PSMC3IP: variants seen among roughly 807,000 people sequenced by gnomAD.
PSMC3IP encodes PSMC3 interacting protein, also known as homologous-pairing protein 2 homolog.
PSMC3IP carries 26 observed loss-of-function variants against 34.9 expected under a neutral mutation model. The ratio of observed to expected loss-of-function variants is 0.74; its 90% confidence interval spans 0.55 to 1.03. The LOEUF is 1.03. Ranked by LOEUF, PSMC3IP falls within the 50% of genes least tolerant of loss-of-function variation. The pLI is 0.00. For synonymous variants in PSMC3IP, 87 were observed against 96.5 expected, an observed-to-expected ratio of 0.90 and a Z score of 0.57; for missense variants, 250 against 263.1, an observed-to-expected ratio of 0.95 and a Z score of 0.34.
chr17:42,574,964 G>A (rs1597725305), intron 3 of PSMC3IP, among the ~76,000 whole-genome samples: 3 of 152,274 alleles, frequency 2.0e-5, no homozygotes, highest in East Asian at 3.9e-4. Context: ...ACGTTGCCCA[G>A]GCTGGTCTCA....
At chr17:42,575,961 T>G (rs2093072777) in intron 3 of PSMC3IP, among the ~76,000 whole-genome samples, 2 of 151,598 alleles carry the variant, frequency 1.3e-5, no homozygotes, top group South Asian at 4.2e-4. Context: ...GTGGAGCTTA[T>G]AGTGAGCCGA....
Position 42,577,447 on chromosome 17 carries a change from G to C in PSMC3IP, c.135+14C>G. The C allele has an allele frequency of 6.2e-7, 1 of 1,613,716 alleles. No individual in the cohort carries two copies. Among genetic ancestry groups the C allele is most frequent in the South Asian group, 1.1e-5 (1 of 91,064 alleles). ...GAGTCCGACGGAGAGGGAATCCCGG[G>C]AGAAGGTCCTCACCGCCTTGCCCAG... On this transcript the variant is annotated intron_variant, in intron 2 of 7. Coordinates refer to ENST00000393795, the MANE Select transcript of PSMC3IP (RefSeq NM_016556.4).
At chr17:42,573,218 C>T (rs889483790) in intron 6 of PSMC3IP, 52 bp from the exon 7 acceptor site, 6 of 1,614,024 alleles carry the variant, frequency 3.7e-6, no homozygotes, top group Non-Finnish European at 5.1e-6. Context: ...TGGGCACTGC[C>T]TGTCAGTTTA....
rs578203303 is a variant in PSMC3IP, at chr17:42,577,494, C to A, written c.102G>T (p.Gly34=). The A allele has an allele frequency of 6.2e-7, 1 of 1,614,048 alleles. No individual in the cohort carries two copies. The highest frequency in any genetic ancestry group is 1.3e-5 in the African/African-American group (1 of 74,920). ...CCAGTCCGTGTTCCCGCTGTAGGTT[C>A]CCGAACACATCCTGGGAGCTGTAGG... ...NRPYSSQDVF[G]NLQREHGLGK... Residue 34 remains glycine (G), a synonymous_variant, in exon 2 of 8, where the codon GGG becomes GGT. Transcript: ENST00000393795.
intron 3 of PSMC3IP, among the ~76,000 whole-genome samples, chr17:42,574,863 C>G (rs902863275): frequency 6.6e-6 from 1 of 152,194 alleles, no homozygotes; most frequent in Non-Finnish European, 1.5e-5. Context: ...AAGCGATTCT[C>G]ATGCCTCAGC....
intron 4 of PSMC3IP, chr17:42,573,861 AAACG>A: frequency 6.5e-7 from 1 of 1,531,866 alleles, no homozygotes. Flanking sequence ...GAATAAAGGG[AAACG>A]TGGGGACAGT....
Position 42,573,601 on chromosome 17 carries a change from G to A in PSMC3IP, c.360C>T (p.Ala120=), listed in dbSNP as rs771494719. The change falls in exon 5 of 8, where the codon GCC becomes GCT. Residue 120 remains alanine, a synonymous_variant. Transcript: ENST00000393795. ...MEAELKELSS[A]LTTPEMQKEI... is the part of the protein sequence containing the mutation. The stretch of plus-strand genomic sequence containing the variant: ...CTTTCTGCATCTCTGGTGTGGTCAG[G>A]GCACTAGATAATTCCTTGAGCTCTG... 1.9e-6 allele frequency: 3 copies of A among 1,614,120 alleles called. No individual in the cohort carries two copies. The highest frequency in any genetic ancestry group is 2.2e-5 in the South Asian group (2 of 91,084).
At position 42,572,984 on chromosome 17, in the gene PSMC3IP, G is replaced by A. The variant is rs1185487502; in HGVS notation, c.638C>T (p.Thr213Ile). Residue 213 changes from threonine to isoleucine, a missense_variant, in exon 8 of 8, where the codon ACA becomes ATA. Transcript: ENST00000393795. The part of the protein sequence containing the change: ...GIETDEDYNV[T>I]LPDP The stretch of plus-strand genomic sequence containing the variant: ...GTGGGCCCCTCAGGGGTCTGGGAGT[G>A]TGACGTTGTAATCTTCATCCGTCTC... The A allele has an allele frequency of 6.8e-6, 11 of 1,614,120 alleles. No homozygotes were observed. In the East Asian group the frequency reaches 1.8e-4, roughly 26 times the overall value.
At chr17:42,576,554 C>T (rs1307378276) in intron 3 of PSMC3IP, 1 of 156,646 alleles carries the variant, frequency 6.4e-6, no homozygotes, top group Non-Finnish European at 1.4e-5. Flanking sequence ...CCTCCCAGCA[C>T]TTTGGGAGGC....
rs1021792409 is a variant in PSMC3IP at position 42,577,266 on chromosome 17, C to A, written c.172G>T (p.Gly58Cys). The change falls in exon 3 of 8, where the codon GGC (glycine) becomes TGC (cysteine). Residue 58 changes from glycine to cysteine, a missense_variant. Transcript: ENST00000393795. ...CCGTACATCTTCTCTTTGATCTTGC[C>A]TTGTTGCGCCAGCTGCTCCAGCGTC... ...VKTLEQLAQQ[G>C]KIKEKMYGKQ... 1 of 1,614,088 alleles carries A rather than the reference C, an allele frequency of 6.2e-7. No homozygotes were observed. The highest frequency in any genetic ancestry group is 2.2e-5 in the East Asian group (1 of 44,870).
At chr17:42,573,733 C>G in intron 4 of PSMC3IP, 110 bp from the exon 5 acceptor site, 1 of 1,535,232 alleles carries the variant, frequency 6.5e-7, no homozygotes, top group South Asian at 1.2e-5. Flanking sequence ...TATCATCTCA[C>G]ATGGAAACTA....
chr17:42,576,990 G>C, intron 3 of PSMC3IP: 1 of 1,094,138 alleles, frequency 9.1e-7, no homozygotes, highest in South Asian at 1.6e-5. Context: ...AATGGATCTT[G>C]GTAGCAACAA....
intron 3 of PSMC3IP, 182 bp downstream of exon 3, chr17:42,577,031 A>T: frequency 7.1e-7 from 1 of 1,415,612 alleles, no homozygotes; most frequent in Non-Finnish European, 9.5e-7. Context: ...ATCATATTGT[A>T]AATCTGGAAA....
chr17:42,573,362 C>G lies in PSMC3IP; in HGVS notation c.486G>C (p.Val162=). Reference sequence around the variant, plus strand: ...TACAGTACTTCTGCCTCTCTCTGTACACCTAGAAGGAAAAAGCAAGTTCCT... The same window carrying G: ...TACAGTACTTCTGCCTCTCTCTGTAGACCTAGAAGGAAAAAGCAAGTTCCT... The part of the protein sequence containing the change: ...NHVTPEEKEQ[V]YRERQKYCKE... Residue 162 remains valine (V), a splice_region_variant and synonymous_variant, in exon 6 of 8, where the codon GTG becomes GTC. Coordinates refer to ENST00000393795, the MANE Select transcript of PSMC3IP (RefSeq NM_016556.4). 6.2e-7 allele frequency: 1 copy of G among 1,614,206 alleles called. No individual in the cohort carries two copies. Among genetic ancestry groups the G allele is most frequent in the Non-Finnish European group, 8.5e-7 (1 of 1,180,040 alleles).
At chr17:42,573,276 C>T in intron 6 of PSMC3IP, 35 bp downstream of exon 6, 1 of 1,614,036 alleles carries the variant, frequency 6.2e-7, no homozygotes, top group South Asian at 1.1e-5. Context: ...TCAAAGGCAC[C>T]TCCAGGGCCT....
intron 3 of PSMC3IP, among the ~76,000 whole-genome samples, chr17:42,575,142 C>T (rs1373940598): frequency 1.3e-5 from 2 of 152,024 alleles, no homozygotes; most frequent in African/African-American, 4.8e-5. Flanking sequence ...CACTGGGGAT[C>T]AGTGTGGGGG....
intron 3 of PSMC3IP, among the ~76,000 whole-genome samples, chr17:42,575,337 C>T (rs1048194807): frequency 1.2e-4 from 19 of 152,178 alleles, no homozygotes; most frequent in African/African-American, 3.6e-4. Flanking sequence ...CAGCCCCACC[C>T]GTTCATTTAC....
In PSMC3IP at chr17:42,573,887, C is replaced by T. The variant is rs545698753; in HGVS notation, c.337+212G>A. 2.6e-4 allele frequency: 394 copies of T among 1,531,536 alleles called. 1 individual carries two copies. In the African/African-American group the frequency reaches 4.6e-3, roughly 18 times the overall value. 94.9% of individuals were successfully genotyped at this position (1,531,536 alleles called of 1,614,324 possible). On this transcript the variant is annotated intron_variant, in intron 4 of 7. Coordinates refer to ENST00000393795, the MANE Select transcript of PSMC3IP (RefSeq NM_016556.4). ...AACGTGGGGACAGTGTACTGATAAT[C>T]GTGGCAGGGAGAACAAATGCGTATC...
At chr17:42,577,612 A>C in intron 1 of PSMC3IP, 41 bp downstream of exon 1, 1 of 1,614,130 alleles carries the variant, frequency 6.2e-7, no homozygotes, top group Non-Finnish European at 8.5e-7. Context: ...CTCCTCACCC[A>C]CTGCCCTCCC....
Sources: gnomAD v4.1 joint callset for allele counts (sites outside exome capture counted in the v4.1 genomes callset) on GRCh38, gnomAD v4.1.1 for gene constraint, MANE v1.5 for transcripts, NCBI Gene and HGNC (gene_info 2026-07-23, HGNC 2026-07-21) for gene names.